Variants in RFX4 observed in about 807,000 individuals in gnomAD.
The protein encoded by RFX4 is regulatory factor X4.
A neutral mutation model predicts 95.0 loss-of-function variants in RFX4; 10 were observed. That is an observed-to-expected ratio of 0.11 (90% CI 0.06 to 0.18). The LOEUF (loss-of-function observed/expected upper bound fraction) is 0.18, where lower values mean the gene tolerates loss of function less well. RFX4 is among the 10% of genes least tolerant of loss of function. The probability of loss-of-function intolerance (pLI) is 1.00; values close to 1 mark genes in which losing one functional copy is unlikely to be tolerated. For missense variants in RFX4, 640 were observed against 922.0 expected, an observed-to-expected ratio of 0.69 and a Z score of 3.96; for synonymous variants, 321 against 340.7, an observed-to-expected ratio of 0.94 and a Z score of 0.64.
intron 4 of RFX4, among the ~76,000 whole-genome samples, chr12:106,673,098 C>CATAAT (rs1046665035): frequency 5.3e-5 from 8 of 152,254 alleles, no homozygotes; most frequent in African/African-American, 1.9e-4. Flanking sequence ...CTTGGGAAAG[C>CATAAT]ATAATATACC....
rs1039047623 is a variant in RFX4, at chr12:106,676,609, A to T, written c.316-5384A>T. Among the ~76,000 whole-genome samples, 5 of 152,122 alleles carry T rather than the reference A, an allele frequency of 3.3e-5. No homozygotes were observed. The East Asian group carries it at 9.6e-4, about 29-fold the overall frequency. ...TGATCACTTGAGTGGGTGCAGGGAA[A>T]TTTCATCCAGGAGGAGACACGGGGC... On this transcript the variant is annotated intron_variant, in intron 4 of 17. Coordinates refer to ENST00000392842, the MANE Select transcript of RFX4 (RefSeq NM_213594.3).
intron 11 of RFX4, among the ~76,000 whole-genome samples, chr12:106,718,542 A>G (rs1191388976): frequency 1.3e-5 from 2 of 152,222 alleles, no homozygotes; most frequent in Non-Finnish European, 2.9e-5. Context: ...TCAGTCAACA[A>G]ACATTTGAGC....
chr12:106,645,975 T>C, intron 3 of RFX4: 1 of 1,285,596 alleles, frequency 7.8e-7, no homozygotes, highest in Non-Finnish European at 1.0e-6. Flanking sequence ...AGGGCAGAAA[T>C]TTCTCAGGGA....
intron 1 of RFX4, among the ~76,000 whole-genome samples, chr12:106,596,977 T>G (rs1323183436): frequency 1.3e-5 from 2 of 152,244 alleles, no homozygotes; most frequent in Non-Finnish European, 2.9e-5. Flanking sequence ...TGTTTGTGCC[T>G]GATAAATTAC....
chr12:106,687,008 T>C lies in RFX4; in HGVS notation c.502T>C (p.Tyr168His). Residue 168 changes from tyrosine (Y) to histidine (H), a missense_variant, in exon 6 of 18, where the codon TAT becomes CAT. Physicochemically the swap from Tyr to His is moderately conservative, Grantham distance 83 (BLOSUM62 2). Coordinates refer to ENST00000392842, the MANE Select transcript of RFX4 (RefSeq NM_213594.3). ...KKEVSKQTVA[Y>H]SPRSKLGTLL... Reference sequence around the variant, plus strand: ...AGAAGTGAGCAAACAGACAGTGGCATATTCACCCCGGTCCAAACTCGGAAC... The same window carrying C: ...AGAAGTGAGCAAACAGACAGTGGCACATTCACCCCGGTCCAAACTCGGAAC... 6.2e-7 allele frequency: 1 copy of C among 1,614,016 alleles called. No homozygotes were observed. Among genetic ancestry groups the C allele is most frequent in the Non-Finnish European group, 8.5e-7 (1 of 1,180,016 alleles).
intron 13 of RFX4, among the ~76,000 whole-genome samples, chr12:106,730,580 T>C (rs1040906090): frequency 4.6e-5 from 7 of 152,224 alleles, no homozygotes; most frequent in African/African-American, 1.4e-4. Context: ...TGTTCAGTGC[T>C]TAGCAGAGTT....
intron 7 of RFX4, chr12:106,693,218 G>A: frequency 3.5e-6 from 1 of 288,228 alleles, no homozygotes; most frequent in Non-Finnish European, 7.0e-6. Flanking sequence ...AAGTATCATT[G>A]GACAATAAAT....
At chr12:106,672,712 T>C (rs952715944) in intron 4 of RFX4, among the ~76,000 whole-genome samples, 1 of 150,352 alleles carries the variant, frequency 6.7e-6, no homozygotes, top group African/African-American at 2.4e-5. Flanking sequence ...GTTGATTATT[T>C]GGTGAAAGGA....
intron 1 of RFX4, among the ~76,000 whole-genome samples, chr12:106,584,748 C>T (rs2137156519): frequency 6.6e-6 from 1 of 152,310 alleles, no homozygotes; most frequent in African/African-American, 2.4e-5. Context: ...CTGCTCTTGC[C>T]AGGGGGATAT....
At chr12:106,608,121 G>A (rs1198666546) in intron 1 of RFX4, among the ~76,000 whole-genome samples, 2 of 152,084 alleles carry the variant, frequency 1.3e-5, no homozygotes, top group African/African-American at 4.8e-5. Flanking sequence ...CCCGGGAGGC[G>A]GAGGTTGCAG....
chr12:106,648,220 C>T (rs1047034569), intron 3 of RFX4, among the ~76,000 whole-genome samples: 2 of 152,262 alleles, frequency 1.3e-5, no homozygotes, highest in African/African-American at 4.8e-5. Context: ...ATGTGAGTTG[C>T]GCCTTGATGC....
At chr12:106,686,281 C>T (rs181207640) in intron 5 of RFX4, among the ~76,000 whole-genome samples, 5 of 151,966 alleles carry the variant, frequency 3.3e-5, no homozygotes, top group Admixed American at 6.6e-5. Flanking sequence ...TGTGGTGGCA[C>T]ATGCCTGTAA....
intron 5 of RFX4, chr12:106,682,984 T>G (rs375267932): frequency 2.6e-5 from 4 of 152,244 alleles, no homozygotes; most frequent in African/African-American, 9.6e-5. Flanking sequence ...ACTGCAAGAC[T>G]TCTCAGAACC....
At chr12:106,654,500 C>A in intron 4 of RFX4, 149 bp downstream of exon 4, 2 of 885,842 alleles carry the variant, frequency 2.3e-6, no homozygotes, top group Non-Finnish European at 3.2e-6. Flanking sequence ...CACTGTAATA[C>A]TTTGCTATCA....
intron 4 of RFX4, among the ~76,000 whole-genome samples, chr12:106,668,581 C>G (rs967155833): frequency 5.3e-5 from 8 of 152,034 alleles, no homozygotes; most frequent in Non-Finnish European, 8.8e-5. Context: ...ATTTTTTAAA[C>G]TTAAATAATA....
chr12:106,729,492 A>T (rs1266009542), intron 13 of RFX4, among the ~76,000 whole-genome samples: 1 of 152,208 alleles, frequency 6.6e-6, no homozygotes, highest in Non-Finnish European at 1.5e-5. Flanking sequence ...GCTGTAGCAC[A>T]TAACGATTGA....
chr12:106,761,381 C>T lies in RFX4; in HGVS notation c.2120C>T (p.Thr707Met), dbSNP rs202235460. Reference protein sequence around the residue: ...NSSDMYTPLTTRRNSEYEHMQ... With the variant: ...NSSDMYTPLTMRRNSEYEHMQ... ...AGTGACATGTATACACCTCTGACAA[C>T]GCGCAGGAATTCTGAATATGAGCAC... is the stretch of plus-strand genomic sequence containing the variant. Residue 707 changes from threonine to methionine, a missense_variant, in exon 18 of 18, where the codon ACG (threonine) becomes ATG (methionine). By Grantham distance (81) the Thr-to-Met change is moderately conservative. This residue lies in a region of RFX4 where 300 missense variants were observed against 346.8 expected (regional missense o/e 0.87). Transcript: ENST00000392842. 6.4e-5 allele frequency: 103 copies of T among 1,613,998 alleles called. No individual in the cohort carries two copies. Among genetic ancestry groups the T allele is most frequent in the Non-Finnish European group, 7.9e-5 (93 of 1,180,024 alleles).
chr12:106,639,241 TAG>T, intron 2 of RFX4, 89 bp from the exon 3 acceptor site: 1 of 1,067,120 alleles, frequency 9.4e-7, no homozygotes. Context: ...CAAAGAAACA[TAG>T]TCTTTTGAAA....
intron 8 of RFX4, among the ~76,000 whole-genome samples, chr12:106,701,922 G>A (rs766042062): frequency 4.6e-5 from 7 of 151,926 alleles, no homozygotes; most frequent in South Asian, 2.1e-4. Context: ...ATGCTGAGGC[G>A]GGAAAATTAA....
Sources: allele counts gnomAD v4.1 joint callset (sites outside exome capture counted in the v4.1 genomes callset), GRCh38; gene constraint gnomAD v4.1.1; regional missense constraint gnomAD v4.1.1; transcripts MANE v1.5; gene names NCBI Gene and HGNC (gene_info 2026-07-23, HGNC 2026-07-21).